The following IMMP2L variants were observed in gnomAD, a reference collection of about 807,000 sequenced individuals.
IMMP2L encodes inner mitochondrial membrane peptidase subunit 2, also known as mitochondrial inner membrane protease subunit 2.
A neutral mutation model predicts 19.3 loss-of-function variants in IMMP2L; 18 were observed. The observed-to-expected ratio is 0.93, with a 90% CI of 0.64 to 1.38. The LOEUF is 1.38. Ranked by LOEUF, IMMP2L falls within the 40% of genes most tolerant of loss-of-function variation. The pLI is 0.00. For synonymous variants in IMMP2L, 76 were observed against 73.0 expected (o/e 1.04, Z -0.21); for missense variants, 233 against 218.2 (o/e 1.07, Z -0.43).
intron 3 of IMMP2L, among the ~76,000 whole-genome samples, chr7:111,415,355 G>C (rs1435604031): frequency 1.3e-5 from 2 of 151,742 alleles, no homozygotes; most frequent in Non-Finnish European, 2.9e-5. Flanking sequence ...TTATAGCCCA[G>C]GGGAGACCTT....
intron 3 of IMMP2L, among the ~76,000 whole-genome samples, chr7:111,441,587 A>G (rs1837724103): frequency 1.3e-5 from 2 of 151,698 alleles, no homozygotes; most frequent in African/African-American, 4.9e-5. Context: ...CATAGCAGAT[A>G]TAATAACAAA....
At chr7:111,487,441 T>C in intron 2 of IMMP2L, 100 bp from the exon 3 acceptor site, 2 of 682,896 alleles carry the variant, frequency 2.9e-6, no homozygotes, top group South Asian at 1.8e-5. Context: ...AAAACATTTC[T>C]AATACAGTAC....
intron 5 of IMMP2L, among the ~76,000 whole-genome samples, chr7:110,869,603 A>C (rs1323416778): frequency 6.6e-6 from 1 of 152,126 alleles, no homozygotes; most frequent in Non-Finnish European, 1.5e-5. Flanking sequence ...GAACTGTATT[A>C]GTTTCATTTG....
chr7:111,104,623 C>G (rs1052633676), intron 3 of IMMP2L, among the ~76,000 whole-genome samples: 1 of 151,674 alleles, frequency 6.6e-6, no homozygotes, highest in Admixed American at 6.6e-5. Context: ...CCTATCTAGT[C>G]TTTTTGATTC....
At chr7:111,069,471 AC>A (rs1243689918) in intron 3 of IMMP2L, among the ~76,000 whole-genome samples, 3 of 152,206 alleles carry the variant, frequency 2.0e-5, no homozygotes, top group Non-Finnish European at 4.4e-5. Context: ...AGTGGGTACT[AC>A]CTAGGGTCTT....
At chr7:111,443,992 G>C (rs972939362) in intron 3 of IMMP2L, among the ~76,000 whole-genome samples, 2 of 152,052 alleles carry the variant, frequency 1.3e-5, no homozygotes, top group Non-Finnish European at 2.9e-5. Flanking sequence ...TGTTTAAATA[G>C]ATTTTAAAAT....
At chr7:111,410,061 A>C (rs1303949494) in intron 3 of IMMP2L, among the ~76,000 whole-genome samples, 1 of 151,834 alleles carries the variant, frequency 6.6e-6, no homozygotes, top group African/African-American at 2.4e-5. Context: ...AGAGATTGGC[A>C]TAAGAATACT....
At chr7:110,979,708 C>A (rs62464033) in intron 3 of IMMP2L, among the ~76,000 whole-genome samples, 10,635 of 151,268 alleles carry the variant, frequency 0.07, 482 homozygotes, top group East Asian at 0.16. Flanking sequence ...AAAAACAAAA[C>A]CAAAAAAACC....
At chr7:110,938,014 A>G (rs1227845163) in intron 4 of IMMP2L, among the ~76,000 whole-genome samples, 4 of 151,796 alleles carry the variant, frequency 2.6e-5, no homozygotes, top group Non-Finnish European at 4.4e-5. Context: ...CCCTAACCCT[A>G]TCTCTCTCCC....
rs745331664 is a variant in IMMP2L, at chr7:110,663,675, G to T, written c.455C>A (p.Pro152His). ...TTCCAATTTCTGCCAGCGCTCTGGG[G>T]GCCACAGGATATGTGTGGCATGGGC... ...LHAHATHILWPPERWQKLESV... is the reference protein window; with the variant it reads ...LHAHATHILWHPERWQKLESV... The change falls in exon 6 of 6, where the codon CCC (proline) becomes CAC (histidine). Residue 152 changes from proline to histidine, a missense_variant. Pro to His is a moderately conservative substitution (Grantham distance 77). Coordinates refer to ENST00000405709, the MANE Select transcript of IMMP2L (RefSeq NM_032549.4). 1.9e-6 allele frequency: 3 copies of T among 1,607,958 alleles called. No individual in the cohort carries two copies. The African/African-American group carries it at 4.0e-5, about 22-fold the overall frequency.
In IMMP2L at chr7:110,695,434, C is replaced by T. The variant is rs537303514; in HGVS notation, c.409-31713G>A. 2.3e-3 allele frequency among the ~76,000 whole-genome samples: 345 copies of T among 152,218 alleles called. 16 individuals are homozygous for T. In the South Asian group the frequency reaches 0.068, roughly 30 times the overall value. On this transcript the variant is annotated intron_variant, in intron 5 of 5. Coordinates refer to ENST00000405709, the MANE Select transcript of IMMP2L (RefSeq NM_032549.4). ...CTCGGACTCCTGGGCTCAAGCAATC[C>T]TCCCACCTCAGCCTCCCAAAGTGCT...
intron 4 of IMMP2L, among the ~76,000 whole-genome samples, chr7:110,946,071 G>C (rs725272): frequency 0.46 from 69,621 of 151,988 alleles, 17,682 homozygotes; most frequent in Non-Finnish European, 0.58. Flanking sequence ...TAATTGGTGA[G>C]AGGCCAAATA....
intron 3 of IMMP2L, among the ~76,000 whole-genome samples, chr7:111,230,658 T>C (rs1562950769): frequency 6.6e-6 from 1 of 152,066 alleles, no homozygotes; most frequent in African/African-American, 2.4e-5. Context: ...ATTTATTGAC[T>C]ACCATACAGG....
chr7:111,128,483 T>G (rs186245800), intron 3 of IMMP2L, among the ~76,000 whole-genome samples: 1 of 152,314 alleles, frequency 6.6e-6, no homozygotes, highest in Admixed American at 6.5e-5. Context: ...TTTTATTCAC[T>G]ATATCTGCAG....
rs545442394 is a variant in IMMP2L, at chr7:111,469,946, A to C, written c.239+17292T>G. On this transcript the variant is annotated intron_variant, in intron 3 of 5. Transcript: ENST00000405709. ...ATCAGAGTCAACAGGCAACCTACAA[A>C]ATGGGAGAAAATTTTCGCAAGCTAC... 7.8e-4 allele frequency among the ~76,000 whole-genome samples: 118 copies of C among 152,226 alleles called. 2 individuals are homozygous for C. The highest frequency in any genetic ancestry group is 2.6e-3 in the African/African-American group (106 of 41,546).
intron 3 of IMMP2L, among the ~76,000 whole-genome samples, chr7:111,162,255 A>T (rs535190128): frequency 6.6e-6 from 1 of 152,222 alleles, no homozygotes; most frequent in African/African-American, 2.4e-5. Context: ...AGTTTTTAAA[A>T]TGTCCAAGAC....
Position 110,776,636 on chromosome 7 carries a change from CT to C in IMMP2L, c.408+109956del, listed in dbSNP as rs375955135. Among the ~76,000 whole-genome samples the C allele has an allele frequency of 2.7e-3, 408 of 152,086 alleles. 7 individuals carry two copies. The Middle Eastern group carries it at 0.027, about 10-fold the overall frequency. On this transcript the variant is annotated intron_variant, in intron 5 of 5. Coordinates refer to ENST00000405709, the MANE Select transcript of IMMP2L (RefSeq NM_032549.4). Reference sequence around the variant, plus strand: ...GTTGTTGACTAACTGCACTTGCATACTGATAAATGTATGGCAGTATTCAGAT... The same window carrying C: ...GTTGTTGACTAACTGCACTTGCATACGATAAATGTATGGCAGTATTCAGAT...
chr7:110,944,810 A>T (rs1817092884), intron 4 of IMMP2L, among the ~76,000 whole-genome samples: 1 of 151,932 alleles, frequency 6.6e-6, no homozygotes, highest in Non-Finnish European at 1.5e-5. Context: ...GTGTGTACAT[A>T]TAGATCCTTT....
chr7:111,535,053 G>A (rs901169778), intron 1 of IMMP2L, among the ~76,000 whole-genome samples: 4 of 152,066 alleles, frequency 2.6e-5, no homozygotes, highest in Admixed American at 2.0e-4. Context: ...AATAGTGCTC[G>A]TTTTTATGAC....
Sources: allele counts gnomAD v4.1 joint callset (sites outside exome capture counted in the v4.1 genomes callset), GRCh38; gene constraint gnomAD v4.1.1; transcripts MANE v1.5; gene names NCBI Gene and HGNC (gene_info 2026-07-23, HGNC 2026-07-21).